L3MBTL4: variants seen among roughly 807,000 people sequenced by gnomAD.
L3MBTL4 encodes lethal(3)malignant brain tumor-like protein 4.
L3MBTL4 carries 70 observed loss-of-function variants against 84.5 expected under a neutral mutation model. That is an observed-to-expected ratio of 0.83 (90% confidence interval 0.68 to 1.01). The LOEUF (loss-of-function observed/expected upper bound fraction) is 1.01. Among genes scored for constraint, L3MBTL4 ranks in the 50% least tolerant of loss-of-function variants. The pLI is 0.00. For synonymous variants in L3MBTL4, 274 were observed against 259.8 expected (o/e 1.05, Z -0.52); for missense variants, 715 against 754.8 (o/e 0.95, Z 0.62).
intron 16 of L3MBTL4, among the ~76,000 whole-genome samples, chr18:6,052,300 T>A (rs2145817472): frequency 6.6e-6 from 1 of 152,298 alleles, no homozygotes; most frequent in South Asian, 2.1e-4. Context: ...TAAATACAAT[T>A]TAAAGTGATG....
At position 6,207,210 on chromosome 18, in the gene L3MBTL4, G is replaced by C. The variant is rs78601736; in HGVS notation, c.981+5939C>G. 3.0e-3 allele frequency among the ~76,000 whole-genome samples: 450 copies of C among 152,204 alleles called. 6 individuals carry two copies. The highest frequency in any genetic ancestry group is 0.01 in the African/African-American group (424 of 41,514). On this transcript the variant is annotated intron_variant, in intron 12 of 18. Transcript: ENST00000317931. ...TGTTTTTGTGATGAACAGCAGAGTC[G>C]AGCAGTTACTGCAGAGACCACATGG...
intron 10 of L3MBTL4, among the ~76,000 whole-genome samples, chr18:6,229,986 A>G (rs1029414884): frequency 1.1e-4 from 16 of 152,100 alleles, no homozygotes; most frequent in Non-Finnish European, 1.8e-4. Context: ...AAATTTTAGG[A>G]TGGATTTTTC....
chr18:6,249,728 A>G (rs187287818), intron 5 of L3MBTL4, among the ~76,000 whole-genome samples: 1 of 152,362 alleles, frequency 6.6e-6, no homozygotes, highest in Non-Finnish European at 1.5e-5. Flanking sequence ...TGTTTCATTA[A>G]TATAATTGAT....
intron 12 of L3MBTL4, among the ~76,000 whole-genome samples, chr18:6,210,865 T>C (rs1427545709): frequency 6.6e-6 from 1 of 152,192 alleles, no homozygotes; most frequent in Non-Finnish European, 1.5e-5. Flanking sequence ...TGAGGTCCCT[T>C]CATTAATACA....
At chr18:6,090,964 G>C (rs1488354673) in intron 15 of L3MBTL4, among the ~76,000 whole-genome samples, 1 of 152,072 alleles carries the variant, frequency 6.6e-6, no homozygotes, top group East Asian at 1.9e-4. Flanking sequence ...TTATAGCTCT[G>C]ATTTTCACCA....
chr18:6,015,041 G>A (rs566947868), intron 16 of L3MBTL4, among the ~76,000 whole-genome samples: 10 of 152,148 alleles, frequency 6.6e-5, no homozygotes, highest in Admixed American at 3.9e-4. Context: ...GGTTTGCGGG[G>A]AGGAAAGATG....
At chr18:6,229,971 A>G (rs532083715) in intron 10 of L3MBTL4, among the ~76,000 whole-genome samples, 83 of 152,300 alleles carry the variant, frequency 5.4e-4, no homozygotes, top group African/African-American at 1.9e-3. Flanking sequence ...CTTGAGAGTC[A>G]ATATAAATTT....
At chr18:6,100,961 G>A (rs1199901841) in intron 14 of L3MBTL4, among the ~76,000 whole-genome samples, 1 of 152,228 alleles carries the variant, frequency 6.6e-6, no homozygotes, top group Non-Finnish European at 1.5e-5. Context: ...ATGGATGAAA[G>A]CCCCATTTCC....
At chr18:6,091,506 G>T (rs2058457158) in intron 15 of L3MBTL4, among the ~76,000 whole-genome samples, 1 of 152,208 alleles carries the variant, frequency 6.6e-6, no homozygotes, top group Admixed American at 6.5e-5. Context: ...AGGACAACCG[G>T]TGATTTGTCT....
At chr18:5,988,747 A>G (rs1169294588) in intron 16 of L3MBTL4, among the ~76,000 whole-genome samples, 2 of 152,216 alleles carry the variant, frequency 1.3e-5, no homozygotes, top group African/African-American at 4.8e-5. Flanking sequence ...GTCAAGTCAG[A>G]TTAGAATCAT....
At chr18:6,250,330 A>T (rs2047868292) in intron 5 of L3MBTL4, among the ~76,000 whole-genome samples, 3 of 152,186 alleles carry the variant, frequency 2.0e-5, no homozygotes, top group African/African-American at 7.2e-5. Context: ...GCCTAGAGAA[A>T]CTGAAGACAA....
At chr18:6,046,900 A>G (rs2056646789) in intron 16 of L3MBTL4, 2 of 559,864 alleles carry the variant, frequency 3.6e-6, no homozygotes, top group Non-Finnish European at 6.4e-6. Context: ...AATTGACTAA[A>G]ATCAGAGCAG....
At chr18:6,196,018 C>T (rs1326687376) in intron 12 of L3MBTL4, among the ~76,000 whole-genome samples, 4 of 152,074 alleles carry the variant, frequency 2.6e-5, no homozygotes, top group Non-Finnish European at 5.9e-5. Context: ...CACTCTCCTC[C>T]TATTCCACAT....
At chr18:6,220,438 C>T (rs2046502784) in intron 10 of L3MBTL4, among the ~76,000 whole-genome samples, 1 of 152,148 alleles carries the variant, frequency 6.6e-6, no homozygotes, top group African/African-American at 2.4e-5. Context: ...AGATATCCTC[C>T]AGACTTGTCA....
At chr18:6,080,814 C>A in intron 16 of L3MBTL4, 67 bp downstream of exon 16, 2 of 1,193,888 alleles carry the variant, frequency 1.7e-6, no homozygotes, top group Admixed American at 2.1e-5. Context: ...ACCAAACAGT[C>A]AAACAAATAA....
intron 15 of L3MBTL4, among the ~76,000 whole-genome samples, chr18:6,083,997 T>C (rs890285178): frequency 1.1e-4 from 17 of 152,194 alleles, no homozygotes; most frequent in African/African-American, 4.1e-4. Context: ...CTAGTGGCTA[T>C]CATTTCTGTG....
chr18:6,044,427 G>T (rs995093885), intron 16 of L3MBTL4, among the ~76,000 whole-genome samples: 1 of 152,116 alleles, frequency 6.6e-6, no homozygotes, highest in Admixed American at 6.6e-5. Flanking sequence ...TCTCAAACTG[G>T]CATGTAAGAA....
At chr18:6,157,045 T>A (rs563978267) in intron 13 of L3MBTL4, among the ~76,000 whole-genome samples, 1 of 152,170 alleles carries the variant, frequency 6.6e-6, no homozygotes, top group Non-Finnish European at 1.5e-5. Flanking sequence ...ACAGACAATA[T>A]CATTATGACT....
chr18:6,224,961 G>C (rs1443616925), intron 10 of L3MBTL4, among the ~76,000 whole-genome samples: 1 of 151,956 alleles, frequency 6.6e-6, no homozygotes, highest in African/African-American at 2.4e-5. Context: ...ATAAAGTGAG[G>C]AAGATTTAAA....
Sources: gnomAD v4.1 joint callset for allele counts (sites outside exome capture counted in the v4.1 genomes callset) on GRCh38, gnomAD v4.1.1 for gene constraint, MANE v1.5 for transcripts, NCBI Gene and HGNC (gene_info 2026-07-23, HGNC 2026-07-21) for gene names.